Variants in SNTN observed in about 807,000 individuals in gnomAD.
SNTN encodes the protein sentan, cilia apical structure protein.
Under a neutral mutation model 12.3 loss-of-function variants are expected in SNTN, and 13 were observed. That is an observed-to-expected ratio of 1.05 (90% CI 0.69 to 1.67). The LOEUF (loss-of-function observed/expected upper bound fraction) is 1.67. Among genes scored for constraint, SNTN ranks in the 40% most tolerant of loss-of-function variants. The pLI, the probability that SNTN is intolerant of heterozygous loss-of-function variation, is 0.00. For missense variants in SNTN, 189 were observed against 169.8 expected (o/e 1.11, Z -0.63); for synonymous variants, 69 against 58.5 (o/e 1.18, Z -0.82).
Position 63,659,758 on chromosome 3 carries a change from T to A in SNTN, c.179T>A (p.Ile60Asn). ...AAGTGCTCAGATCTGGAAAAAGCTA[T>A]TGCCACCACTGCTCTGATTTTCAGA... ...LRKCSDLEKA[I>N]ATTALIFRNS... Residue 60 changes from isoleucine to asparagine, a missense_variant, in exon 3 of 4, where the codon ATT (isoleucine) becomes AAT (asparagine). Physicochemically the swap from Ile to Asn is moderately radical, Grantham distance 149. Coordinates refer to ENST00000343837, the MANE Select transcript of SNTN (RefSeq NM_001080537.2). The A allele has an allele frequency of 3.1e-6, 5 of 1,614,012 alleles. No homozygotes were observed. The highest frequency in any genetic ancestry group is 4.2e-6 in the Non-Finnish European group (5 of 1,179,894).
intron 2 of SNTN, among the ~76,000 whole-genome samples, chr3:63,659,089 T>C (rs7653410): frequency 0.28 from 42,235 of 152,036 alleles, 6,652 homozygotes; most frequent in South Asian, 0.46. Context: ...ATACGAATTT[T>C]CTTCATGGTA....
intron 2 of SNTN, among the ~76,000 whole-genome samples, chr3:63,657,973 A>G (rs569632902): frequency 2.0e-5 from 3 of 152,040 alleles, no homozygotes; most frequent in Admixed American, 2.0e-4. Flanking sequence ...CTCACCTTTA[A>G]CTGAAAAATT....
Position 63,664,015 on chromosome 3 carries a change from G to T in SNTN, c.364G>T (p.Asp122Tyr). The change falls in exon 4 of 4, where the codon GAC becomes TAC. Residue 122 changes from aspartate to tyrosine, a missense_variant. Transcript: ENST00000343837. ...EHTENKLDFE[D>Y]FMILLLSITV... ...CACAGAAAATAAGCTAGATTTTGAA[G>T]ACTTCATGATCTTGCTCTTAAGCAT... 2.5e-6 allele frequency: 4 copies of T among 1,613,966 alleles called. No homozygotes were observed. Among genetic ancestry groups the T allele is most frequent in the Non-Finnish European group, 2.5e-6 (3 of 1,179,946 alleles).
chr3:63,661,817 A>G (rs956791180), intron 3 of SNTN, among the ~76,000 whole-genome samples: 1 of 152,208 alleles, frequency 6.6e-6, no homozygotes, highest in African/African-American at 2.4e-5. Flanking sequence ...TATGCCAGAC[A>G]GAAAGGGGGC....
At chr3:63,655,781 G>A (rs957137129) in intron 2 of SNTN, among the ~76,000 whole-genome samples, 3 of 152,172 alleles carry the variant, frequency 2.0e-5, no homozygotes, top group Admixed American at 1.3e-4. Flanking sequence ...TTAGTGGGAA[G>A]TAATTCTAAA....
In SNTN at chr3:63,654,815, A is replaced by T; in HGVS notation, c.145+19A>T. ...GTGAAAGGTAAGGCACAGATGACGC[A>T]GATGTACATTTTTCTCCTCTACCAA... On this transcript the variant is annotated intron_variant, in intron 2 of 3. Transcript: ENST00000343837. 6.2e-7 allele frequency: 1 copy of T among 1,610,940 alleles called. No individual in the cohort carries two copies. The highest frequency in any genetic ancestry group is 1.7e-4 in the Middle Eastern group (1 of 6,034).
rs1340913509 is a variant in SNTN at position 63,664,428 on chromosome 3, C to A, written c.*333C>A. On this transcript the variant is annotated 3_prime_UTR_variant, in exon 4 of 4. Coordinates refer to ENST00000343837, the MANE Select transcript of SNTN (RefSeq NM_001080537.2). ...TCACTAAACATTTGTTGAGCATCTA[C>A]TTGATGGAACTGCTGAGGATACAGT... 1 of 184,548 alleles carries A rather than the reference C, an allele frequency of 5.4e-6. No individual in the cohort carries two copies. Among genetic ancestry groups the A allele is most frequent in the African/African-American group, 2.4e-5 (1 of 42,350 alleles). The allele number at this position is 184,548 out of a possible 1,614,324, so 11.4% of individuals were successfully genotyped here.
intron 2 of SNTN, among the ~76,000 whole-genome samples, chr3:63,655,329 A>G (rs1275072116): frequency 1.3e-5 from 2 of 152,218 alleles, no homozygotes; most frequent in Admixed American, 1.3e-4. Context: ...TACTTGGATC[A>G]TTCTTTTATT....
At chr3:63,662,674 C>T (rs1021583623) in intron 3 of SNTN, among the ~76,000 whole-genome samples, 2 of 152,166 alleles carry the variant, frequency 1.3e-5, no homozygotes, top group East Asian at 3.9e-4. Flanking sequence ...CTCCCCTTGG[C>T]CCTCATGGAT....
At chr3:63,658,856 A>G (rs1700711078) in intron 2 of SNTN, among the ~76,000 whole-genome samples, 1 of 152,106 alleles carries the variant, frequency 6.6e-6, no homozygotes, top group Non-Finnish European at 1.5e-5. Flanking sequence ...TTTTGTTCTT[A>G]TTTTCTTCAG....
intron 2 of SNTN, 62 bp from the exon 3 acceptor site, chr3:63,659,663 C>G (rs1274822453): frequency 6.3e-7 from 1 of 1,587,634 alleles, no homozygotes; most frequent in Admixed American, 1.7e-5. Flanking sequence ...GACACAACAG[C>G]AGGTCTGGGG....
chr3:63,655,525 A>T (rs969487119), intron 2 of SNTN, among the ~76,000 whole-genome samples: 4 of 152,172 alleles, frequency 2.6e-5, no homozygotes, highest in African/African-American at 9.7e-5. Context: ...CTGGTGATTT[A>T]TGTTTCAATA....
intron 2 of SNTN, 89 bp downstream of exon 2, chr3:63,654,885 A>C: frequency 1.7e-6 from 2 of 1,149,424 alleles, no homozygotes; most frequent in Non-Finnish European, 2.6e-6. Context: ...ACATCAAAGA[A>C]TGCCAGAGAT....
intron 2 of SNTN, among the ~76,000 whole-genome samples, chr3:63,657,856 A>G (rs1279077956): frequency 2.6e-5 from 4 of 152,200 alleles, no homozygotes; most frequent in African/African-American, 9.6e-5. Context: ...TGTGAACTTT[A>G]TTTAACCAAA....
At position 63,664,204 on chromosome 3, in the gene SNTN, T is replaced by A. The variant is rs75983637; in HGVS notation, c.*109T>A. On this transcript the variant is annotated 3_prime_UTR_variant, in exon 4 of 4. Coordinates refer to ENST00000343837, the MANE Select transcript of SNTN (RefSeq NM_001080537.2). ...TATCTATCATGCATCTGAAATTGCC[T>A]AGGATGGTTCTGATTGCTGGTATTC... 8,094 of 1,141,718 alleles carry A rather than the reference T, an allele frequency of 7.1e-3. 34 individuals are homozygous for A. Among genetic ancestry groups the A allele is most frequent in the Non-Finnish European group, 8.8e-3 (7,246 of 824,272 alleles). 70.7% of individuals were successfully genotyped at this position (1,141,718 alleles called of 1,614,324 possible).
At position 63,652,739 on chromosome 3, in the gene SNTN, G is replaced by A. The variant is rs967484680; in HGVS notation, c.52G>A (p.Asp18Asn). The A allele has an allele frequency of 3.1e-6, 5 of 1,613,992 alleles. No homozygotes were observed. The Admixed American group carries it at 5.0e-5, about 16-fold the overall frequency. ...GGACAAATCTCTCCACTTGGAAGGA[G>A]ATCCCAATCCTTCTGCAGCCCCAAC... ...TQDKSLHLEG[D>N]PNPSAAPTST... Residue 18 changes from aspartate to asparagine, a missense_variant, in exon 1 of 4, where the codon GAT (aspartate) becomes AAT (asparagine). Asp to Asn is a conservative substitution (Grantham distance 23). Coordinates refer to ENST00000343837, the MANE Select transcript of SNTN (RefSeq NM_001080537.2).
intron 3 of SNTN, among the ~76,000 whole-genome samples, chr3:63,661,062 A>C (rs1700738743): frequency 6.6e-6 from 1 of 152,234 alleles, no homozygotes; most frequent in African/African-American, 2.4e-5. Flanking sequence ...ACACCGTATC[A>C]TTATTCTTAT....
chr3:63,653,218 C>G (rs1272139958), intron 1 of SNTN, among the ~76,000 whole-genome samples: 1 of 152,120 alleles, frequency 6.6e-6, no homozygotes, highest in Non-Finnish European at 1.5e-5. Flanking sequence ...TTTGTGGACA[C>G]CTAGCAAGTT....
At chr3:63,654,118 C>T (rs1030559927) in intron 1 of SNTN, among the ~76,000 whole-genome samples, 2 of 152,168 alleles carry the variant, frequency 1.3e-5, no homozygotes, top group Non-Finnish European at 2.9e-5. Flanking sequence ...TACTTTTTAT[C>T]GAGTTACCTG....
Sources: allele counts gnomAD v4.1 joint callset (sites outside exome capture counted in the v4.1 genomes callset), GRCh38; gene constraint gnomAD v4.1.1; transcripts MANE v1.5; gene names NCBI Gene and HGNC (gene_info 2026-07-23, HGNC 2026-07-21).